The following ADAMTSL1 variants were observed in gnomAD, a reference collection of about 807,000 sequenced individuals.
The protein encoded by ADAMTSL1 is ADAMTS like 1.
In ADAMTSL1, 126 loss-of-function variants were observed where a neutral mutation model predicts 201.8. That is an observed-to-expected ratio of 0.62 (90% CI 0.54 to 0.72). The LOEUF (loss-of-function observed/expected upper bound fraction) is 0.72. Ranked by LOEUF, ADAMTSL1 falls within the 30% of genes least tolerant of loss-of-function variation. The pLI is 0.00. For missense variants in ADAMTSL1, 2,679 were observed against 2,277.8 expected (o/e 1.18, Z -3.59); for synonymous variants, 1,121 against 903.4 (o/e 1.24, Z -4.32).
chr9:18,710,197 C>T lies in ADAMTSL1; in HGVS notation c.1876+3149C>T, dbSNP rs557659758. Reference sequence around the variant, plus strand: ...TCATGCTCCCCAGGCAACCCATTCCCACCTCCCCTCAGCCTCAATTGCATG... The same window carrying T: ...TCATGCTCCCCAGGCAACCCATTCCTACCTCCCCTCAGCCTCAATTGCATG... On this transcript the variant is annotated intron_variant, in intron 14 of 28. Coordinates refer to ENST00000380548, the MANE Select transcript of ADAMTSL1 (RefSeq NM_001040272.6). Among the ~76,000 whole-genome samples, 4 of 152,334 alleles carry T rather than the reference C, an allele frequency of 2.6e-5. No individual in the cohort carries two copies. In the East Asian group the frequency reaches 7.7e-4, roughly 29 times the overall value.
intron 13 of ADAMTSL1, among the ~76,000 whole-genome samples, chr9:18,696,737 C>A (rs541325354): frequency 6.6e-6 from 1 of 151,860 alleles, no homozygotes; most frequent in South Asian, 2.1e-4. Context: ...AGCAGTGTGG[C>A]CTTAGAAATC....
At chr9:18,873,616 T>C (rs1052027644) in intron 23 of ADAMTSL1, among the ~76,000 whole-genome samples, 1 of 152,170 alleles carries the variant, frequency 6.6e-6, no homozygotes, top group African/African-American at 2.4e-5. Context: ...TGTAAGTATT[T>C]GGCTGTATTT....
intron 2 of ADAMTSL1, among the ~76,000 whole-genome samples, chr9:18,350,845 C>T (rs886248831): frequency 6.6e-6 from 1 of 152,044 alleles, no homozygotes; most frequent in African/African-American, 2.4e-5. Context: ...TTACTAGTCT[C>T]AAGGCAAAAT....
intron 1 of ADAMTSL1, among the ~76,000 whole-genome samples, chr9:17,917,933 T>A (rs1280133132): frequency 1.3e-5 from 2 of 152,000 alleles, no homozygotes. Flanking sequence ...TTCATCTAAC[T>A]TGTTGAATTC....
chr9:18,415,496 C>A (rs760709017), intron 2 of ADAMTSL1, among the ~76,000 whole-genome samples: 9 of 151,876 alleles, frequency 5.9e-5, no homozygotes, highest in Non-Finnish European at 1.3e-4. Context: ...AGAAAGATCC[C>A]AAATGAAATA....
At chr9:18,455,280 T>TAG (rs1158354159) in intron 2 of ADAMTSL1, among the ~76,000 whole-genome samples, 1 of 152,228 alleles carries the variant, frequency 6.6e-6, no homozygotes, top group East Asian at 1.9e-4. Context: ...AGCGTATTCA[T>TAG]AGTCACGATT....
chr9:18,090,897 C>T (rs2131813068), intron 1 of ADAMTSL1, among the ~76,000 whole-genome samples: 1 of 151,898 alleles, frequency 6.6e-6, no homozygotes, highest in East Asian at 1.9e-4. Context: ...TCTTGTTCCT[C>T]ATAACCACAT....
At chr9:18,173,135 A>G (rs1827979115) in intron 2 of ADAMTSL1, among the ~76,000 whole-genome samples, 1 of 152,134 alleles carries the variant, frequency 6.6e-6, no homozygotes, top group African/African-American at 2.4e-5. Context: ...TCATTATTTC[A>G]GTGTGCTTTA....
intron 1 of ADAMTSL1, among the ~76,000 whole-genome samples, chr9:18,126,995 C>T (rs1210657905): frequency 1.3e-5 from 2 of 152,078 alleles, no homozygotes; most frequent in Non-Finnish European, 2.9e-5. Flanking sequence ...AGTGATGAGG[C>T]AGATCTTCCA....
intron 2 of ADAMTSL1, among the ~76,000 whole-genome samples, chr9:18,360,969 G>A (rs1041049549): frequency 7.9e-5 from 12 of 152,280 alleles, no homozygotes; most frequent in African/African-American, 1.9e-4. Flanking sequence ...AATCTCAGGA[G>A]TTAACAATTG....
chr9:18,214,013 A>G (rs1374875586), intron 2 of ADAMTSL1, among the ~76,000 whole-genome samples: 3 of 152,192 alleles, frequency 2.0e-5, no homozygotes, highest in African/African-American at 4.8e-5. Context: ...CTGGGATTAC[A>G]GGCATGAGCC....
At chr9:18,395,287 C>T (rs1770131551) in intron 2 of ADAMTSL1, among the ~76,000 whole-genome samples, 1 of 152,144 alleles carries the variant, frequency 6.6e-6, no homozygotes, top group South Asian at 2.1e-4. Flanking sequence ...TGTGTTTGAC[C>T]AGCAGTTGCT....
At chr9:18,489,826 T>C (rs1010911747) in intron 1 of ADAMTSL1, among the ~76,000 whole-genome samples, 3 of 152,158 alleles carry the variant, frequency 2.0e-5, no homozygotes, top group African/African-American at 7.2e-5. Context: ...CATAAAGAGA[T>C]ACTAAATTCC....
chr9:18,425,894 G>A (rs1023263866), intron 2 of ADAMTSL1, among the ~76,000 whole-genome samples: 20 of 149,566 alleles, frequency 1.3e-4, no homozygotes, highest in Non-Finnish European at 2.2e-4. Context: ...GTATAGATTC[G>A]GAAAGTGAGG....
intron 2 of ADAMTSL1, among the ~76,000 whole-genome samples, chr9:18,270,866 G>A (rs10810941): frequency 0.35 from 52,724 of 151,970 alleles, 9,347 homozygotes; most frequent in South Asian, 0.49. Context: ...CGGGCAAGTG[G>A]TGAAGAGAGA....
intron 4 of ADAMTSL1, among the ~76,000 whole-genome samples, chr9:18,607,459 T>C (rs2132579886): frequency 6.6e-6 from 1 of 152,326 alleles, no homozygotes; most frequent in African/African-American, 2.4e-5. Flanking sequence ...AAAGAACGCA[T>C]TGCATATTTT....
At chr9:18,228,026 T>C (rs573066232) in intron 2 of ADAMTSL1, among the ~76,000 whole-genome samples, 2 of 152,324 alleles carry the variant, frequency 1.3e-5, no homozygotes, top group South Asian at 4.1e-4. Flanking sequence ...CAGTCCATCT[T>C]ACAAGTGACT....
chr9:18,025,599 C>A (rs1392546785), intron 1 of ADAMTSL1, among the ~76,000 whole-genome samples: 1 of 152,042 alleles, frequency 6.6e-6, no homozygotes, highest in African/African-American at 2.4e-5. Flanking sequence ...CTATTCTGTT[C>A]CATTGGTCTA....
At chr9:18,006,648 C>G (rs1186065998) in intron 1 of ADAMTSL1, among the ~76,000 whole-genome samples, 1 of 151,994 alleles carries the variant, frequency 6.6e-6, no homozygotes, top group Non-Finnish European at 1.5e-5. Context: ...GATTCCTCAT[C>G]TGTAAGTTGA....
Sources: allele counts gnomAD v4.1 joint callset (sites outside exome capture counted in the v4.1 genomes callset), GRCh38; gene constraint gnomAD v4.1.1; transcripts MANE v1.5; gene names NCBI Gene and HGNC (gene_info 2026-07-23, HGNC 2026-07-21).